Variants in TRHDE observed in about 807,000 individuals in gnomAD.
TRHDE encodes the protein thyrotropin-releasing hormone-degrading ectoenzyme.
Under a neutral mutation model 125.7 loss-of-function variants are expected in TRHDE, and 72 were observed. The observed-to-expected ratio is 0.57, with a 90% confidence interval of 0.47 to 0.70. TRHDE has a LOEUF of 0.70. TRHDE is among the 30% of genes least tolerant of loss of function. The pLI is 0.00. For missense variants in TRHDE, 1,110 were observed against 1,327.1 expected, an observed-to-expected ratio of 0.84 and a Z score of 2.54; for synonymous variants, 509 against 509.1, an observed-to-expected ratio of 1.00 and a Z score of 0.00.
chr12:72,237,693 C>T (rs777549864), intron 2 of TRHDE, among the ~76,000 whole-genome samples: 4 of 152,148 alleles, frequency 2.6e-5, no homozygotes, highest in Non-Finnish European at 5.9e-5. Context: ...TTGCCTATGG[C>T]CATGATTGCA....
rs567739399 is a variant in TRHDE at position 72,661,127 on chromosome 12, AT to A, written c.3067-1922del. On this transcript the variant is annotated intron_variant, in intron 18 of 18. Coordinates refer to ENST00000261180, the MANE Select transcript of TRHDE (RefSeq NM_013381.3). ...GAGTATTTACTGCACTTAAATCATG[AT>A]TTAAGAAGTGAATCTCTAGAGACCC... Among the ~76,000 whole-genome samples, 4 of 152,268 alleles carry A rather than the reference AT, an allele frequency of 2.6e-5. No homozygotes were observed. The South Asian group carries it at 8.3e-4, about 32-fold the overall frequency.
intron 2 of TRHDE, among the ~76,000 whole-genome samples, chr12:72,129,451 ACT>A (rs1162380725): frequency 7.2e-5 from 11 of 152,098 alleles, no homozygotes; most frequent in African/African-American, 2.7e-4. Flanking sequence ...CCTTCCTAAC[ACT>A]CTGTAAATTG....
intron 1 of TRHDE, among the ~76,000 whole-genome samples, chr12:72,105,285 C>A (rs1037627551): frequency 2.6e-5 from 4 of 151,988 alleles, no homozygotes; most frequent in African/African-American, 9.7e-5. Flanking sequence ...GGAGGTGGGA[C>A]TGGAACAGGA....
At chr12:72,536,090 C>T (rs1355280054) in intron 6 of TRHDE, among the ~76,000 whole-genome samples, 3 of 152,010 alleles carry the variant, frequency 2.0e-5, no homozygotes, top group East Asian at 3.9e-4. Flanking sequence ...GGAGAGCAAA[C>T]CATTAAGCTA....
chr12:72,499,464 C>T lies in TRHDE; in HGVS notation c.1585-34C>T, dbSNP rs1878055121. On this transcript the variant is annotated intron_variant, in intron 5 of 18. Transcript: ENST00000261180. ...CATATACATATGTCTAACTATGAAT[C>T]ACCTATGATATTGCCCCGTCTGCTG... is the stretch of plus-strand genomic sequence containing the variant. 4.4e-6 allele frequency: 7 copies of T among 1,603,746 alleles called. 1 individual carries two copies. The highest frequency in any genetic ancestry group is 1.7e-5 in the Admixed American group (1 of 58,156).
At chr12:72,194,941 C>A (rs1877410067) in intron 2 of TRHDE, among the ~76,000 whole-genome samples, 1 of 151,994 alleles carries the variant, frequency 6.6e-6, no homozygotes, top group African/African-American at 2.4e-5. Context: ...TGAAGAAATA[C>A]CTGAGACTGG....
chr12:72,340,896 C>T (rs1870054160), intron 2 of TRHDE, among the ~76,000 whole-genome samples: 1 of 152,068 alleles, frequency 6.6e-6, no homozygotes, highest in Non-Finnish European at 1.5e-5. Flanking sequence ...GAATAATTAG[C>T]AGTCTCTGCC....
At chr12:72,306,324 T>A (rs1868340383) in intron 2 of TRHDE, among the ~76,000 whole-genome samples, 1 of 152,218 alleles carries the variant, frequency 6.6e-6, no homozygotes, top group African/African-American at 2.4e-5. Context: ...AATTATGGAC[T>A]AAGCATGATA....
intron 3 of TRHDE, among the ~76,000 whole-genome samples, chr12:72,449,458 A>G (rs1875465849): frequency 6.6e-6 from 1 of 151,838 alleles, no homozygotes; most frequent in Non-Finnish European, 1.5e-5. Context: ...TTGTGTACAC[A>G]CTGCCTCTAC....
chr12:72,649,535 G>T (rs941280016), intron 15 of TRHDE, among the ~76,000 whole-genome samples: 5 of 151,894 alleles, frequency 3.3e-5, no homozygotes, highest in Non-Finnish European at 4.4e-5. Context: ...AACATAAATT[G>T]TGGGACTGCA....
intron 2 of TRHDE, chr12:72,257,381 T>C (rs1198600364): frequency 3.3e-5 from 5 of 152,194 alleles, no homozygotes; most frequent in Non-Finnish European, 2.9e-5. Flanking sequence ...TTAAAGGGCA[T>C]ATAAAACATA....
chr12:72,240,237 C>T (rs918795674), intron 2 of TRHDE, among the ~76,000 whole-genome samples: 10 of 150,700 alleles, frequency 6.6e-5, no homozygotes, highest in East Asian at 1.9e-4. Context: ...TACATATGCA[C>T]GGCAAGATTA....
chr12:72,361,325 A>C (rs1592388267), intron 2 of TRHDE, among the ~76,000 whole-genome samples: 1 of 151,888 alleles, frequency 6.6e-6, no homozygotes, highest in Non-Finnish European at 1.5e-5. Flanking sequence ...AACAAAGTTA[A>C]TGTGTCAAGC....
At chr12:72,226,887 T>C (rs913916240) in intron 2 of TRHDE, among the ~76,000 whole-genome samples, 1 of 152,312 alleles carries the variant, frequency 6.6e-6, no homozygotes, top group African/African-American at 2.4e-5. Context: ...CTAAGATTAA[T>C]GATAACATCA....
chr12:72,535,282 G>A (rs950346116), intron 6 of TRHDE, among the ~76,000 whole-genome samples: 1 of 152,038 alleles, frequency 6.6e-6, no homozygotes, highest in South Asian at 2.1e-4. Context: ...CTAAGTACAT[G>A]ACAGAACCAG....
At chr12:72,416,507 T>G (rs1873738960) in intron 3 of TRHDE, among the ~76,000 whole-genome samples, 2 of 152,136 alleles carry the variant, frequency 1.3e-5, no homozygotes, top group East Asian at 3.9e-4. Context: ...TCTAATAGTT[T>G]CATAGTTTTA....
At chr12:72,122,288 T>C (rs952789455) in intron 2 of TRHDE, among the ~76,000 whole-genome samples, 25 of 152,212 alleles carry the variant, frequency 1.6e-4, no homozygotes, top group African/African-American at 6.0e-4. Flanking sequence ...TCTGTGTCAT[T>C]CATCATGTTT....
chr12:72,635,981 T>A (rs1490137849), intron 15 of TRHDE, among the ~76,000 whole-genome samples: 28 of 151,400 alleles, frequency 1.8e-4, no homozygotes, highest in African/African-American at 6.5e-4. Context: ...GACTTGGCGA[T>A]GTGGGCTCTT....
At chr12:72,365,769 C>A (rs571250334) in intron 2 of TRHDE, among the ~76,000 whole-genome samples, 1 of 152,066 alleles carries the variant, frequency 6.6e-6, no homozygotes, top group Non-Finnish European at 1.5e-5. Context: ...CCATTGCAGC[C>A]GTAAGAAATT....
Sources: allele counts gnomAD v4.1 joint callset (sites outside exome capture counted in the v4.1 genomes callset), GRCh38; gene constraint gnomAD v4.1.1; transcripts MANE v1.5; gene names NCBI Gene and HGNC (gene_info 2026-07-23, HGNC 2026-07-21).